CHIC1: variants seen among roughly 807,000 people sequenced by gnomAD.
CHIC1 encodes the protein cysteine rich hydrophobic domain 1.
Under a neutral mutation model 18.5 loss-of-function variants are expected in CHIC1, and 7 were observed. That is an observed-to-expected ratio of 0.38 (90% CI 0.22 to 0.71). The LOEUF (loss-of-function observed/expected upper bound fraction) is 0.71. Ranked by LOEUF, CHIC1 falls within the 30% of genes least tolerant of loss-of-function variation. The pLI is 0.49. For missense variants in CHIC1, 159 were observed against 176.9 expected, an observed-to-expected ratio of 0.90 and a Z score of 0.57; for synonymous variants, 77 against 73.5, an observed-to-expected ratio of 1.05 and a Z score of -0.25.
intron 3 of CHIC1, among the ~76,000 whole-genome samples, chrX:73,593,097 T>A (rs1460514620): frequency 9.0e-6 from 1 of 111,101 alleles, no homozygotes; most frequent in African/African-American, 3.3e-5. Flanking sequence ...CATCTCTCAA[T>A]TTTCTTTGTT....
rs898593110 is a variant in CHIC1 at position 73,609,516 on chromosome X, C to T, written c.507+24944C>T. On this transcript the variant is annotated intron_variant, in intron 3 of 5. Coordinates refer to ENST00000373502, the MANE Select transcript of CHIC1 (RefSeq NM_001039840.4). ...TCCTGGGCTCAAGCAGTCCTCCCAC[C>T]TCAGCCTCCCGAGTAGCGGCATCTA... Among the ~76,000 whole-genome samples, 11 of 108,990 alleles carry T rather than the reference C, an allele frequency of 1.0e-4. 1 individual carries two copies. The highest frequency in any genetic ancestry group is 7.5e-4 in the South Asian group (2 of 2,661). 94.6% of individuals were successfully genotyped at this position (108,990 alleles called of 115,157 possible).
intron 3 of CHIC1, among the ~76,000 whole-genome samples, chrX:73,601,758 T>C (rs1201457704): frequency 2.8e-5 from 3 of 105,966 alleles, no homozygotes; most frequent in African/African-American, 7.4e-5. Flanking sequence ...TTCAAAAAAT[T>C]AATGAATCCA....
At chrX:73,563,193 C>A (rs1485804084), upstream of CHIC1, 2 of 987,486 alleles carry the variant, frequency 2.0e-6, no homozygotes, top group African/African-American at 4.2e-5. Flanking sequence ...CACCCCTCCT[C>A]TTTCTCTTCA....
rs187396063 is a variant in CHIC1 at position 73,583,027 on chromosome X, C to A, written c.352-1390C>A. 5.4e-4 allele frequency among the ~76,000 whole-genome samples: 60 copies of A among 111,036 alleles called. No individual in the cohort carries two copies. The East Asian group carries it at 0.014, about 27-fold the overall frequency. ...GAAATTTTGCCATTTAATTGGAATT[C>A]TTTGCACCCAGTGATTGTCTTTACA... is the stretch of plus-strand genomic sequence containing the variant. On this transcript the variant is annotated intron_variant, in intron 2 of 5. Transcript: ENST00000373502.
rs2058118954 is a variant in CHIC1 at position 73,685,741 on chromosome X, T to C, written c.*4736T>C. 8.9e-6 allele frequency: 1 copy of C among 111,983 alleles called. No individual in the cohort carries two copies. Among genetic ancestry groups the C allele is most frequent in the African/African-American group, 3.2e-5 (1 of 30,906 alleles). The allele number at this position is 111,983 out of a possible 1,213,427, so 9.2% of individuals were successfully genotyped here. On this transcript the variant is annotated 3_prime_UTR_variant, in exon 6 of 6. Transcript: ENST00000373502. Reference sequence around the variant, plus strand: ...TAATTATATAATTTCTAAATAGATTTCTTTAAATCCATGCTATGTTTTCTT... The same window carrying C: ...TAATTATATAATTTCTAAATAGATTCCTTTAAATCCATGCTATGTTTTCTT...
chrX:73,589,167 C>T (rs1041677938), intron 3 of CHIC1, among the ~76,000 whole-genome samples: 1 of 109,930 alleles, frequency 9.1e-6, no homozygotes, highest in African/African-American at 3.3e-5. Context: ...AGGCATTTAC[C>T]GCCCTCAGTT....
Position 73,634,706 on chromosome X carries a change from G to C in CHIC1, c.508-44620G>C, listed in dbSNP as rs189962738. On this transcript the variant is annotated intron_variant, in intron 3 of 5. Transcript: ENST00000373502. ...CTCCCTCCCCTTCTTTTTGCTTCTT[G>C]TTGTCCCCAGGCAATTTAACCATAC... Among the ~76,000 whole-genome samples the C allele has an allele frequency of 2.2e-3, 247 of 111,474 alleles. 2 individuals carry two copies. The highest frequency in any genetic ancestry group is 4.6e-3 in the Middle Eastern group (1 of 216).
At chrX:73,616,265 G>A (rs1410470206) in intron 3 of CHIC1, among the ~76,000 whole-genome samples, 1 of 111,570 alleles carries the variant, frequency 9.0e-6, no homozygotes, top group African/African-American at 3.3e-5. Context: ...GGGCTCTCCT[G>A]TGGCTGGAAT....
intron 3 of CHIC1, among the ~76,000 whole-genome samples, chrX:73,612,153 G>T (rs753668266): frequency 1.8e-5 from 2 of 111,198 alleles, no homozygotes; most frequent in East Asian, 5.6e-4. Context: ...TATGGTTTTA[G>T]GTCTAACATT....
At chrX:73,621,518 G>A (rs756883487) in intron 3 of CHIC1, among the ~76,000 whole-genome samples, 3 of 111,932 alleles carry the variant, frequency 2.7e-5, no homozygotes, top group Non-Finnish European at 3.8e-5. Context: ...TGGTTTATAG[G>A]AATGCTTGTG....
rs2057681609 is a variant in CHIC1 at position 73,605,993 on chromosome X, G to C, written c.507+21421G>C. ...GTCTTGGAGTTGCTCTTCTCGAGGT[G>C]TATCTTTGTGGTGTTCTCTGTATTT... On this transcript the variant is annotated intron_variant, in intron 3 of 5. Coordinates refer to ENST00000373502, the MANE Select transcript of CHIC1 (RefSeq NM_001039840.4). 1.9e-5 allele frequency among the ~76,000 whole-genome samples: 2 copies of C among 107,976 alleles called. 1 individual carries two copies. Among genetic ancestry groups the C allele is most frequent in the African/African-American group, 7.2e-5 (2 of 27,637 alleles). The allele number at this position is 107,976 out of a possible 115,157, so 93.8% of individuals were successfully genotyped here.
At chrX:73,652,613 C>T (rs970321749) in intron 3 of CHIC1, among the ~76,000 whole-genome samples, 1 of 112,028 alleles carries the variant, frequency 8.9e-6, no homozygotes, top group African/African-American at 3.2e-5. Flanking sequence ...ATGTGGCCAA[C>T]AAACATATGG....
At chrX:73,680,056 A>C (rs760060800) in intron 5 of CHIC1, among the ~76,000 whole-genome samples, 3 of 110,316 alleles carry the variant, frequency 2.7e-5, no homozygotes, top group Non-Finnish European at 5.7e-5. Context: ...AAACTTGCAT[A>C]AAATAGGAGT....
rs1394144789 is a variant in CHIC1 at position 73,647,632 on chromosome X, C to T, written c.508-31694C>T. Reference sequence around the variant, plus strand: ...AGCAACTCTTCAGGCTTGATGCTGACCCATCCCTCCTCACTGGGTGGGGCC... The same window carrying T: ...AGCAACTCTTCAGGCTTGATGCTGATCCATCCCTCCTCACTGGGTGGGGCC... On this transcript the variant is annotated intron_variant, in intron 3 of 5. Coordinates refer to ENST00000373502, the MANE Select transcript of CHIC1 (RefSeq NM_001039840.4). Among the ~76,000 whole-genome samples the T allele has an allele frequency of 3.6e-5, 4 of 112,513 alleles. 1 individual carries two copies. Among genetic ancestry groups the T allele is most frequent in the Admixed American group, 1.9e-4 (2 of 10,737 alleles).
At chrX:73,621,771 G>T (rs970827949) in intron 3 of CHIC1, among the ~76,000 whole-genome samples, 2 of 112,019 alleles carry the variant, frequency 1.8e-5, no homozygotes, top group African/African-American at 6.5e-5. Context: ...CTTGTCTTGT[G>T]CTGGTTTTCA....
intron 3 of CHIC1, among the ~76,000 whole-genome samples, chrX:73,667,732 A>G (rs139296828): frequency 0.017 from 1,899 of 111,254 alleles, 20 homozygotes; most frequent in Non-Finnish European, 0.025. Context: ...TCTTAGTCTC[A>G]TGGAAGACTG....
At chrX:73,580,889 A>G (rs1302202347) in intron 2 of CHIC1, among the ~76,000 whole-genome samples, 5 of 111,193 alleles carry the variant, frequency 4.5e-5, no homozygotes, top group African/African-American at 1.3e-4. Context: ...CTGTAGCTCA[A>G]TATTAATTTT....
chrX:73,591,629 T>A (rs2057582394), intron 3 of CHIC1, among the ~76,000 whole-genome samples: 1 of 111,579 alleles, frequency 9.0e-6, no homozygotes, highest in South Asian at 3.7e-4. Flanking sequence ...GTGTTGTATG[T>A]AAGAATTCAT....
intron 2 of CHIC1, among the ~76,000 whole-genome samples, chrX:73,579,042 T>G (rs2057514553): frequency 9.1e-6 from 1 of 110,427 alleles, no homozygotes; most frequent in African/African-American, 3.3e-5. Context: ...ACCTATTTCT[T>G]TTTTCAAGGA....
Sources: gnomAD v4.1 joint callset for allele counts (sites outside exome capture counted in the v4.1 genomes callset) on GRCh38, gnomAD v4.1.1 for gene constraint, MANE v1.5 for transcripts, NCBI Gene and HGNC (gene_info 2026-07-23, HGNC 2026-07-21) for gene names.